ERI1: variants seen among roughly 807,000 people sequenced by gnomAD.
ERI1 encodes the protein 3'-5' exoribonuclease 1.
ERI1 carries 39 observed loss-of-function variants against 39.7 expected under a neutral mutation model. The ratio of observed to expected loss-of-function variants is 0.98; its 90% CI spans 0.76 to 1.28. The LOEUF is 1.28. ERI1 is among the 50% of genes most tolerant of loss of function. The pLI is 0.00. For synonymous variants in ERI1, 204 were observed against 149.6 expected (o/e 1.36, Z -2.65); for missense variants, 581 against 416.9 (o/e 1.39, Z -3.43).
At position 9,013,386 on chromosome 8, in the gene ERI1, A is replaced by C. The variant is rs141680939; in HGVS notation, c.498+1634A>C. Reference sequence around the variant, plus strand: ...GGCTTGAATACTCTTTCCTTGGAGCATTTTCTTCAGGTATAACTTGTTCTG... The same window carrying C: ...GGCTTGAATACTCTTTCCTTGGAGCCTTTTCTTCAGGTATAACTTGTTCTG... On this transcript the variant is annotated intron_variant, in intron 3 of 6. Transcript: ENST00000250263. Among the ~76,000 whole-genome samples, 174 of 149,766 alleles carry C rather than the reference A, an allele frequency of 1.2e-3. 1 individual carries two copies. The highest frequency in any genetic ancestry group is 4.1e-3 in the African/African-American group (167 of 40,736).
chr8:9,084,611 C>T (rs549882507), intron 3 of ERI1, among the ~76,000 whole-genome samples: 12 of 152,180 alleles, frequency 7.9e-5, no homozygotes, highest in South Asian at 2.1e-4. Flanking sequence ...TTGGAGGAAG[C>T]GGGAGGGGTT....
chr8:9,005,688 A>G (rs1339304858), intron 1 of ERI1, among the ~76,000 whole-genome samples: 1 of 147,158 alleles, frequency 6.8e-6, no homozygotes, highest in African/African-American at 2.7e-5. Flanking sequence ...TTGTATTTTT[A>G]GTAGAGACGG....
chr8:9,033,593 C>T (rs1472855293), downstream of ERI1, among the ~76,000 whole-genome samples: 3 of 152,112 alleles, frequency 2.0e-5, no homozygotes, highest in Admixed American at 2.0e-4. Flanking sequence ...TTGCATCAGA[C>T]ATTTATGGAG....
At chr8:9,005,520 T>G (rs1815890706) in intron 1 of ERI1, among the ~76,000 whole-genome samples, 1 of 145,028 alleles carries the variant, frequency 6.9e-6, no homozygotes, top group South Asian at 2.1e-4. Flanking sequence ...TTATGTTTTT[T>G]TTTTTTTTTT....
intron 1 of ERI1, among the ~76,000 whole-genome samples, chr8:9,003,852 C>T (rs1047286060): frequency 6.6e-6 from 1 of 152,190 alleles, no homozygotes; most frequent in Admixed American, 6.5e-5. Context: ...ACATGTTGAA[C>T]ACTTCGTAAA....
intron 3 of ERI1, among the ~76,000 whole-genome samples, chr8:9,045,771 G>C (rs1023473726): frequency 6.6e-6 from 1 of 151,384 alleles, no homozygotes; most frequent in South Asian, 2.1e-4. Flanking sequence ...CCACCTCCCG[G>C]GTTCAAGTGA....
intron 3 of ERI1, among the ~76,000 whole-genome samples, 162 bp downstream of exon 3, chr8:9,011,914 G>A (rs566851819): frequency 6.6e-6 from 1 of 152,284 alleles, no homozygotes; most frequent in South Asian, 2.1e-4. Context: ...TAGAAAAGCT[G>A]TAACAAAGCA....
At chr8:9,013,142 G>A (rs1414960568) in intron 3 of ERI1, among the ~76,000 whole-genome samples, 3 of 151,810 alleles carry the variant, frequency 2.0e-5, no homozygotes, top group East Asian at 1.9e-4. Flanking sequence ...AGCCTCCTGA[G>A]TAGCTGGGAA....
intron 3 of ERI1, among the ~76,000 whole-genome samples, chr8:9,084,505 C>T (rs1054112129): frequency 6.6e-6 from 1 of 152,136 alleles, no homozygotes; most frequent in Non-Finnish European, 1.5e-5. Context: ...CCCAAATTTG[C>T]ATTTTCCAGC....
chr8:9,042,930 G>C lies in ERI1; in HGVS notation n.299+22466G>C, dbSNP rs558685110. ...TCAGTTACCCTGCATGCTCCCACGC[G>C]CAGTGCCGTATGTCCCCCGGCACAT... On this transcript the variant is annotated intron_variant and non_coding_transcript_variant, in intron 3 of 3. Transcript: ENST00000518663. Among the ~76,000 whole-genome samples the C allele has an allele frequency of 2.1e-3, 323 of 152,304 alleles. 1 individual carries two copies. Among genetic ancestry groups the C allele is most frequent in the South Asian group, 7.7e-3 (37 of 4,830 alleles).
At chr8:9,048,197 C>A (rs531943537) in intron 3 of ERI1, among the ~76,000 whole-genome samples, 2 of 152,214 alleles carry the variant, frequency 1.3e-5, no homozygotes, top group African/African-American at 2.4e-5. Context: ...AAGCTGCGAC[C>A]AGCGCAGACG....
At chr8:9,092,537 C>A (rs1266283406) in intron 3 of ERI1, among the ~76,000 whole-genome samples, 4 of 152,194 alleles carry the variant, frequency 2.6e-5, no homozygotes, top group African/African-American at 9.7e-5. Flanking sequence ...TAGGGAACAT[C>A]ACTGAAGATT....
At chr8:9,061,791 G>T (rs1264395361) in intron 3 of ERI1, among the ~76,000 whole-genome samples, 2 of 150,370 alleles carry the variant, frequency 1.3e-5, no homozygotes, top group East Asian at 1.9e-4. Context: ...GAAGTAATGG[G>T]TGCTGTCCGT....
intron 3 of ERI1, among the ~76,000 whole-genome samples, chr8:9,081,979 G>A (rs1435387845): frequency 1.3e-5 from 2 of 152,152 alleles, no homozygotes; most frequent in Admixed American, 6.5e-5. Context: ...GAAGAATTCT[G>A]CCTTCATCTT....
intron 5 of ERI1, 113 bp downstream of exon 5, chr8:9,018,519 C>G (rs911896528): frequency 1.6e-6 from 1 of 616,984 alleles, no homozygotes; most frequent in Admixed American, 2.9e-5. Flanking sequence ...CCTAGAGTCT[C>G]ACCCCACAGG....
chr8:9,097,953 C>T (rs1398421658), intron 3 of ERI1, among the ~76,000 whole-genome samples: 1 of 152,094 alleles, frequency 6.6e-6, no homozygotes, highest in African/African-American at 2.4e-5. Flanking sequence ...AAAAGAAATG[C>T]AATAATGGCA....
intron 3 of ERI1, among the ~76,000 whole-genome samples, chr8:9,083,336 G>A (rs1321753930): frequency 6.6e-6 from 1 of 152,138 alleles, no homozygotes; most frequent in Non-Finnish European, 1.5e-5. Context: ...TTATTACATG[G>A]TATCTGCCCC....
chr8:9,082,758 C>T (rs966054912), intron 3 of ERI1, among the ~76,000 whole-genome samples: 18 of 152,096 alleles, frequency 1.2e-4, no homozygotes, highest in South Asian at 2.1e-4. Flanking sequence ...ACCTATCTAA[C>T]GTCTAGGAGA....
chr8:9,071,970 G>A (rs1799067236), intron 3 of ERI1, among the ~76,000 whole-genome samples: 1 of 152,194 alleles, frequency 6.6e-6, no homozygotes, highest in Non-Finnish European at 1.5e-5. Flanking sequence ...GGAGGCTGAG[G>A]TGGGAGAATC....
Sources: allele counts gnomAD v4.1 joint callset (sites outside exome capture counted in the v4.1 genomes callset), GRCh38; gene constraint gnomAD v4.1.1; transcripts MANE v1.5; gene names NCBI Gene and HGNC (gene_info 2026-07-23, HGNC 2026-07-21).